The following CFAP43 variants were observed in gnomAD, a reference collection of about 807,000 sequenced individuals.
CFAP43 encodes the protein cilia and flagella associated protein 43, also known as cilia- and flagella-associated protein 43.
CFAP43 carries 155 observed loss-of-function variants against 218.9 expected under a neutral mutation model. The observed-to-expected ratio is 0.71, with a 90% confidence interval of 0.62 to 0.81. The LOEUF is 0.81. Ranked by LOEUF, CFAP43 falls within the 30% of genes least tolerant of loss-of-function variation. The pLI is 0.00. For missense variants in CFAP43, 1,778 were observed against 1,954.3 expected (o/e 0.91, Z 1.70); for synonymous variants, 645 against 681.3 (o/e 0.95, Z 0.83).
chr10:104,143,548 C>T lies in CFAP43; in HGVS notation c.4036G>A (p.Ala1346Thr), dbSNP rs1324988612. ...TCATCCATAGCTTTCATTAACTGGG[C>T]AAAGGCATCCTTATTCAACTTGCCA... ...GSGKLNKDAF[A>T]QLMKAMDELD... is the part of the protein sequence containing the mutation. The change falls in exon 32 of 38, where the codon GCC (alanine) becomes ACC (threonine). Residue 1346 changes from alanine (A) to threonine (T), a missense_variant. Around this residue, in one of 3 missense-constraint regions of CFAP43, gnomAD observed 1,553 missense variants for 1,685.2 expected, o/e 0.92. Transcript: ENST00000357060. 13 of 1,614,070 alleles carry T rather than the reference C, an allele frequency of 8.1e-6. No homozygotes were observed. The highest frequency in any genetic ancestry group is 2.7e-5 in the African/African-American group (2 of 74,910).
At chr10:104,168,934 C>T (rs1464248437) in intron 20 of CFAP43, 86 bp from the exon 21 acceptor site, 1 of 1,038,640 alleles carries the variant, frequency 9.6e-7, no homozygotes, top group African/African-American at 1.6e-5. Flanking sequence ...CACTAAGTAG[C>T]CATTAACTGC....
At chr10:104,183,826 C>T (rs189716952) in intron 16 of CFAP43, among the ~76,000 whole-genome samples, 6 of 152,166 alleles carry the variant, frequency 3.9e-5, no homozygotes, top group South Asian at 2.1e-4. Context: ...AGTATTTGTT[C>T]GCTGGTTATA....
At chr10:104,217,252 G>A (rs1414898817) in intron 3 of CFAP43, among the ~76,000 whole-genome samples, 2 of 152,146 alleles carry the variant, frequency 1.3e-5, no homozygotes, top group Admixed American at 6.5e-5. Context: ...GTGGCTTATG[G>A]CCGAGCCAGT....
At chr10:104,168,063 CG>C (rs2089253538) in intron 21 of CFAP43, among the ~76,000 whole-genome samples, 1 of 152,044 alleles carries the variant, frequency 6.6e-6, no homozygotes, top group Non-Finnish European at 1.5e-5. Flanking sequence ...TTACTGGAGG[CG>C]AACAATGCTA....
Position 104,172,392 on chromosome 10 carries a change from A to T in CFAP43, c.2586+18T>A, listed in dbSNP as rs2134847503. The T allele has an allele frequency of 1.2e-6, 2 of 1,601,620 alleles. No homozygotes were observed. The highest frequency in any genetic ancestry group is 2.7e-5 in the African/African-American group (2 of 73,796). Reference sequence around the variant, plus strand: ...TTTCATCATAACTTTATGGTGCTTAAATTATACTTTTTCATACCTTTGCCA... The same window carrying T: ...TTTCATCATAACTTTATGGTGCTTATATTATACTTTTTCATACCTTTGCCA... On this transcript the variant is annotated intron_variant, in intron 20 of 37. Coordinates refer to ENST00000357060, the MANE Select transcript of CFAP43 (RefSeq NM_025145.7).
intron 3 of CFAP43, among the ~76,000 whole-genome samples, chr10:104,218,347 CAAAAAAAAAAAAA>C (rs68078522): frequency 0.19 from 18,991 of 99,094 alleles, 2,391 homozygotes; most frequent in African/African-American, 0.39. Context: ...GACTGTGTCT[CAAAAAAAAAAAAA>C]AAAAAAAAAA....
chr10:104,213,623 C>T (rs2090927528), intron 4 of CFAP43, among the ~76,000 whole-genome samples: 1 of 152,076 alleles, frequency 6.6e-6, no homozygotes, highest in Admixed American at 6.5e-5. Context: ...GCAACCTCCA[C>T]CTCTTGGGTT....
chr10:104,182,324 A>C lies in CFAP43; in HGVS notation c.2289+42T>G, dbSNP rs757402133. 5.6e-5 allele frequency: 83 copies of C among 1,486,910 alleles called. No homozygotes were observed. In the East Asian group the frequency reaches 2.1e-3, roughly 38 times the overall value. The allele number at this position is 1,486,910 out of a possible 1,614,324, so 92.1% of individuals were successfully genotyped here. A position where few individuals can be genotyped will look rare whatever the true frequency, so the allele number is the denominator to read the frequency against. The stretch of plus-strand genomic sequence containing the variant: ...AACCGAAAACTTCTGATTTACAAAG[A>C]AAGAAATGTAAGCAAGCAAGCTAGT... On this transcript the variant is annotated intron_variant, in intron 17 of 37. Coordinates refer to ENST00000357060, the MANE Select transcript of CFAP43 (RefSeq NM_025145.7).
At chr10:104,222,661 G>A (rs892473564) in intron 3 of CFAP43, among the ~76,000 whole-genome samples, 8 of 152,158 alleles carry the variant, frequency 5.3e-5, no homozygotes, top group Non-Finnish European at 1.2e-4. Flanking sequence ...ATTAAGACAT[G>A]CAAACAAATC....
At chr10:104,229,177 G>A (rs1194722522) in intron 2 of CFAP43, among the ~76,000 whole-genome samples, 3 of 152,166 alleles carry the variant, frequency 2.0e-5, no homozygotes, top group Non-Finnish European at 4.4e-5. Flanking sequence ...CACAAACAAA[G>A]TATTATAAAT....
chr10:104,208,904 G>A (rs990801969), intron 5 of CFAP43, among the ~76,000 whole-genome samples: 6 of 152,020 alleles, frequency 3.9e-5, no homozygotes, highest in Non-Finnish European at 5.9e-5. Flanking sequence ...CCCATGCTAC[G>A]ACTTAAAACT....
At chr10:104,187,518 A>G in intron 13 of CFAP43, 26 bp from the exon 14 acceptor site, 1 of 1,512,738 alleles carries the variant, frequency 6.6e-7, no homozygotes. Context: ...AAAGAAGAGA[A>G]ATCACTTGTA....
chr10:104,207,904 C>A, intron 5 of CFAP43, 80 bp from the exon 6 acceptor site: 1 of 1,401,630 alleles, frequency 7.1e-7, no homozygotes, highest in African/African-American at 1.4e-5. Flanking sequence ...GAACAACTGA[C>A]AAAAAGGAAC....
intron 8 of CFAP43, among the ~76,000 whole-genome samples, chr10:104,202,887 G>C (rs1035311488): frequency 1.3e-5 from 2 of 150,788 alleles, no homozygotes; most frequent in East Asian, 1.9e-4. Context: ...TTAAATTTAA[G>C]TTTCTTTCAG....
At chr10:104,188,218 C>T (rs922285370) in intron 13 of CFAP43, 52 bp downstream of exon 13, 10 of 1,583,332 alleles carry the variant, frequency 6.3e-6, no homozygotes, top group Non-Finnish European at 6.9e-6. Context: ...AAAACAATAA[C>T]AACAATGTAT....
In CFAP43 at chr10:104,203,762, G is replaced by A. The variant is rs2090601918; in HGVS notation, c.1005C>T (p.Tyr335=). 1.9e-6 allele frequency: 3 copies of A among 1,609,764 alleles called. No homozygotes were observed. The highest frequency in any genetic ancestry group is 2.5e-6 in the Non-Finnish European group (3 of 1,178,304). ...VYSFIIKDRS[Y]MIEDFLEIER... is the part of the protein sequence containing the mutation. ...CAATCTCAAGAAAATCCTCGATCATGTAACTTCTATCTTTAATAATAAAAG... is the reference window on the plus strand; with the variant it reads ...CAATCTCAAGAAAATCCTCGATCATATAACTTCTATCTTTAATAATAAAAG... Residue 335 remains tyrosine, a synonymous_variant, in exon 8 of 38, where the codon TAC becomes TAT. Transcript: ENST00000357060.
At chr10:104,136,796 T>A (rs2087474260) in intron 34 of CFAP43, among the ~76,000 whole-genome samples, 1 of 152,066 alleles carries the variant, frequency 6.6e-6, no homozygotes, top group African/African-American at 2.4e-5. Context: ...AAACCTAATT[T>A]GAAAATGGGC....
At position 104,179,905 on chromosome 10, in the gene CFAP43, G is replaced by T; in HGVS notation, c.2317C>A (p.Gln773Lys). 1 of 1,613,698 alleles carries T rather than the reference G, an allele frequency of 6.2e-7. No homozygotes were observed. Residue 773 changes from glutamine to lysine, a missense_variant, in exon 18 of 38, where the codon CAA becomes AAA. Gln to Lys is a moderately conservative substitution (Grantham distance 53, BLOSUM62 1). This residue lies in a region of CFAP43 where 1,553 missense variants were observed against 1,685.2 expected (regional missense o/e 0.92). Transcript: ENST00000357060. ...ACATCGGTTAGAACTAATTCATCTT[G>T]TGATAAGTCAGTGCTTGCCTTCTGT... ...TKQKASTDLS[Q>K]DELVLTDVKK...
At chr10:104,206,175 A>ATC in intron 6 of CFAP43, 145 bp from the exon 7 acceptor site, 2 of 641,584 alleles carry the variant, frequency 3.1e-6, no homozygotes, top group Non-Finnish European at 5.3e-6. Flanking sequence ...ACTAACATAG[A>ATC]TGCTAGATTA....
Sources: gnomAD v4.1 joint callset for allele counts (sites outside exome capture counted in the v4.1 genomes callset) on GRCh38, gnomAD v4.1.1 for gene constraint, gnomAD v4.1.1 regional missense constraint, MANE v1.5 for transcripts, NCBI Gene and HGNC (gene_info 2026-07-23, HGNC 2026-07-21) for gene names.